BABAM2: variants seen among roughly 807,000 people sequenced by gnomAD.
BABAM2 encodes the protein BRISC and BRCA1 A complex member 2.
Under a neutral mutation model 54.7 loss-of-function variants are expected in BABAM2, and 31 were observed. That is an observed-to-expected ratio of 0.57 (90% CI 0.43 to 0.77). The LOEUF (loss-of-function observed/expected upper bound fraction) is 0.77, where lower values mean the gene tolerates loss of function less well. BABAM2 is among the 30% of genes least tolerant of loss of function. BABAM2 has a pLI of 0.00. For missense variants in BABAM2, 364 were observed against 455.8 expected (o/e 0.80, Z 1.83); for synonymous variants, 167 against 162.9 (o/e 1.03, Z -0.19).
chr2:28,009,536 A>G (rs1674240679), intron 4 of BABAM2, among the ~76,000 whole-genome samples: 1 of 152,154 alleles, frequency 6.6e-6, no homozygotes, highest in East Asian at 1.9e-4. Flanking sequence ...TTCGTGAAGC[A>G]CTTCATTGGA....
intron 7 of BABAM2, among the ~76,000 whole-genome samples, chr2:28,204,566 G>T (rs1329485178): frequency 1.3e-5 from 2 of 151,484 alleles, no homozygotes; most frequent in African/African-American, 4.9e-5. Context: ...CATTTCAAAT[G>T]CCCAGATAAG....
At chr2:27,922,935 A>G (rs1331950502) in intron 2 of BABAM2, among the ~76,000 whole-genome samples, 1 of 152,212 alleles carries the variant, frequency 6.6e-6, no homozygotes, top group Admixed American at 6.5e-5. Context: ...ATTTTAATGT[A>G]GCCAGTAGCT....
intron 6 of BABAM2, among the ~76,000 whole-genome samples, chr2:28,101,252 C>T (rs1482859688): frequency 6.6e-6 from 1 of 152,098 alleles, no homozygotes; most frequent in East Asian, 1.9e-4. Flanking sequence ...TCTACTCTAC[C>T]ATATTGCCTG....
In BABAM2 at chr2:27,923,697, G is replaced by A. The variant is rs117290132; in HGVS notation, c.129-6135G>A. 1.6e-3 allele frequency among the ~76,000 whole-genome samples: 237 copies of A among 151,416 alleles called. 3 individuals carry two copies. The East Asian group carries it at 0.04, about 26-fold the overall frequency. ...AAAACAATGCAGAAAGCAGATGGGT[G>A]CAGTGGCTCATGCCTATAATCCCAG... On this transcript the variant is annotated intron_variant, in intron 2 of 11. Transcript: ENST00000379624.
At chr2:27,935,440 A>G (rs1026733406) in intron 3 of BABAM2, among the ~76,000 whole-genome samples, 2 of 152,264 alleles carry the variant, frequency 1.3e-5, no homozygotes, top group Non-Finnish European at 2.9e-5. Flanking sequence ...CTACAATGCC[A>G]TGGTAAAACT....
intron 10 of BABAM2, among the ~76,000 whole-genome samples, chr2:28,269,693 A>G (rs1226441248): frequency 6.6e-6 from 1 of 152,220 alleles, no homozygotes; most frequent in Non-Finnish European, 1.5e-5. Flanking sequence ...GATTTTGTTT[A>G]ACAAGGTTTC....
chr2:28,032,675 T>G (rs1676384942), intron 5 of BABAM2, among the ~76,000 whole-genome samples: 1 of 152,124 alleles, frequency 6.6e-6, no homozygotes, highest in Non-Finnish European at 1.5e-5. Flanking sequence ...ACTATAATGT[T>G]TAGGAAACCC....
chr2:28,296,647 T>A (rs1687714437), intron 10 of BABAM2, among the ~76,000 whole-genome samples: 1 of 152,210 alleles, frequency 6.6e-6, no homozygotes, highest in Non-Finnish European at 1.5e-5. Context: ...CACCCCAGAC[T>A]AGAATAGTGA....
At chr2:27,897,132 A>C (rs1025182283) in intron 2 of BABAM2, 2 of 153,002 alleles carry the variant, frequency 1.3e-5, no homozygotes, top group Admixed American at 6.5e-5. Flanking sequence ...ATGGACTCTG[A>C]GACAACCATG....
At chr2:28,133,260 GA>G (rs755732882) in intron 7 of BABAM2, among the ~76,000 whole-genome samples, 9 of 152,192 alleles carry the variant, frequency 5.9e-5, no homozygotes, top group African/African-American at 9.6e-5. Context: ...TAGGTTTTGA[GA>G]ACTGACTGTG....
chr2:28,071,657 C>T (rs76500255), intron 6 of BABAM2, among the ~76,000 whole-genome samples: 1,583 of 152,216 alleles, frequency 0.01, 23 homozygotes, highest in African/African-American at 0.036. Context: ...TAAGGAGATG[C>T]TTCTCTACTA....
intron 6 of BABAM2, among the ~76,000 whole-genome samples, chr2:28,080,841 A>G (rs1241455169): frequency 6.6e-6 from 1 of 152,176 alleles, no homozygotes; most frequent in Non-Finnish European, 1.5e-5. Flanking sequence ...TCTTCCCTGG[A>G]GATACATTAA....
At chr2:28,193,955 T>G (rs1307330197) in intron 7 of BABAM2, among the ~76,000 whole-genome samples, 1 of 152,000 alleles carries the variant, frequency 6.6e-6, no homozygotes, top group African/African-American at 2.4e-5. Flanking sequence ...GTTTGACAGG[T>G]GCTATGAGAG....
intron 6 of BABAM2, among the ~76,000 whole-genome samples, chr2:28,124,451 C>G (rs932273209): frequency 2.0e-5 from 3 of 152,162 alleles, no homozygotes; most frequent in African/African-American, 7.2e-5. Flanking sequence ...AGCTCAGACT[C>G]CTGACCTGGG....
chr2:28,273,155 G>T (rs574372853), intron 10 of BABAM2, among the ~76,000 whole-genome samples: 33 of 152,308 alleles, frequency 2.2e-4, no homozygotes, highest in African/African-American at 7.7e-4. Context: ...TTTAATGGCA[G>T]ACCAGTTTCT....
At chr2:27,987,880 A>G (rs1672515583) in intron 3 of BABAM2, 113 bp from the exon 4 acceptor site, 1 of 883,072 alleles carries the variant, frequency 1.1e-6, no homozygotes, top group Non-Finnish European at 1.8e-6. Context: ...TGCTTTTCAA[A>G]TGGTTTTCTT....
At chr2:28,146,045 T>G (rs1345241840) in intron 7 of BABAM2, among the ~76,000 whole-genome samples, 1 of 152,258 alleles carries the variant, frequency 6.6e-6, no homozygotes, top group African/African-American at 2.4e-5. Context: ...TGAATATTCA[T>G]GTTAATAAGT....
At chr2:28,076,863 A>G (rs570041737) in intron 6 of BABAM2, among the ~76,000 whole-genome samples, 74 of 152,270 alleles carry the variant, frequency 4.9e-4, no homozygotes, top group African/African-American at 1.8e-3. Flanking sequence ...CTTTGTATAA[A>G]GATATTTCTG....
intron 10 of BABAM2, among the ~76,000 whole-genome samples, chr2:28,267,088 G>A (rs973737131): frequency 5.9e-5 from 9 of 152,244 alleles, no homozygotes; most frequent in Admixed American, 1.3e-4. Flanking sequence ...CCTGGGAGGC[G>A]GAGGTTGCAG....
Sources: gnomAD v4.1 joint callset for allele counts (sites outside exome capture counted in the v4.1 genomes callset) on GRCh38, gnomAD v4.1.1 for gene constraint, MANE v1.5 for transcripts, NCBI Gene and HGNC (gene_info 2026-07-23, HGNC 2026-07-21) for gene names.